The following PACSIN2 variants were observed in gnomAD, a reference collection of about 807,000 sequenced individuals.
PACSIN2 encodes protein kinase C and casein kinase substrate in neurons protein 2.
Under a neutral mutation model 63.8 loss-of-function variants are expected in PACSIN2, and 25 were observed. The observed-to-expected ratio is 0.39, with a 90% confidence interval of 0.29 to 0.55. The LOEUF is 0.55. Ranked by LOEUF, PACSIN2 falls within the 20% of genes least tolerant of loss-of-function variation. PACSIN2 has a pLI of 0.62. For missense variants in PACSIN2, 518 were observed against 646.9 expected (o/e 0.80, Z 2.16); for synonymous variants, 255 against 256.2 (o/e 1.00, Z 0.05).
chr22:42,917,238 A>C (rs895740010), intron 1 of PACSIN2, among the ~76,000 whole-genome samples: 4 of 152,214 alleles, frequency 2.6e-5, no homozygotes, highest in African/African-American at 9.6e-5. Flanking sequence ...GCAGGCTGAC[A>C]GCAGTCATGC....
At chr22:42,882,435 C>T in intron 6 of PACSIN2, 131 bp from the exon 7 acceptor site, 2 of 1,001,910 alleles carry the variant, frequency 2.0e-6, no homozygotes, top group Non-Finnish European at 2.9e-6. Flanking sequence ...AGAGCCAGAA[C>T]ACTCCTCCCT....
At chr22:42,925,789 CTG>C (rs1484712979) in intron 1 of PACSIN2, among the ~76,000 whole-genome samples, 1 of 152,198 alleles carries the variant, frequency 6.6e-6, no homozygotes, top group Admixed American at 6.5e-5. Flanking sequence ...CGGTTGGGGG[CTG>C]TGTGGTTCTA....
At chr22:43,011,501 G>A (rs776974389) in intron 1 of PACSIN2, among the ~76,000 whole-genome samples, 13 of 152,190 alleles carry the variant, frequency 8.5e-5, no homozygotes, top group African/African-American at 2.7e-4. Context: ...GAAACTTTTC[G>A]ATCTGTTTGA....
At chr22:42,953,959 A>C (rs1322213990) in intron 1 of PACSIN2, among the ~76,000 whole-genome samples, 1 of 152,178 alleles carries the variant, frequency 6.6e-6, no homozygotes, top group East Asian at 1.9e-4. Context: ...AACAGCAAGT[A>C]CAAAGGTTAA....
intron 1 of PACSIN2, among the ~76,000 whole-genome samples, chr22:42,965,390 C>T (rs1299272270): frequency 6.6e-6 from 1 of 151,998 alleles, no homozygotes. Flanking sequence ...AGGATGCATT[C>T]AATTGTATGT....
intron 1 of PACSIN2, among the ~76,000 whole-genome samples, chr22:43,001,652 C>T (rs923919000): frequency 6.6e-6 from 1 of 152,242 alleles, no homozygotes; most frequent in Non-Finnish European, 1.5e-5. Context: ...CTTATGTCTA[C>T]CTTCCTGGGT....
intron 1 of PACSIN2, among the ~76,000 whole-genome samples, chr22:42,974,159 C>T (rs1475655154): frequency 3.3e-5 from 5 of 152,186 alleles, no homozygotes; most frequent in Non-Finnish European, 5.9e-5. Context: ...GTCTCCTTCC[C>T]TCCGTATCCC....
At chr22:42,889,957 T>A (rs192804523) in intron 4 of PACSIN2, among the ~76,000 whole-genome samples, 1 of 150,452 alleles carries the variant, frequency 6.6e-6, no homozygotes, top group African/African-American at 2.4e-5. Flanking sequence ...ATTGAGAAAG[T>A]AAAGGAATAA....
At chr22:42,954,741 G>T (rs537260923) in intron 1 of PACSIN2, among the ~76,000 whole-genome samples, 139 of 152,292 alleles carry the variant, frequency 9.1e-4, no homozygotes, top group African/African-American at 3.2e-3. Context: ...CAGGAAAGAG[G>T]AATATATCCA....
intron 1 of PACSIN2, among the ~76,000 whole-genome samples, chr22:42,913,411 G>A (rs917761824): frequency 1.3e-5 from 2 of 151,536 alleles, no homozygotes; most frequent in Non-Finnish European, 2.9e-5. Context: ...CCTGGGAGGT[G>A]GAGGTTGCGG....
At chr22:42,960,658 A>G (rs1255411002) in intron 1 of PACSIN2, among the ~76,000 whole-genome samples, 5 of 152,062 alleles carry the variant, frequency 3.3e-5, no homozygotes, top group Non-Finnish European at 7.4e-5. Flanking sequence ...ATCCAGCACA[A>G]GAAAAGGCGT....
intron 1 of PACSIN2, among the ~76,000 whole-genome samples, chr22:42,992,200 TA>T (rs1923089935): frequency 6.6e-6 from 1 of 152,208 alleles, no homozygotes; most frequent in Non-Finnish European, 1.5e-5. Context: ...GCAAGTGATT[TA>T]AAGAGATAAT....
intron 1 of PACSIN2, among the ~76,000 whole-genome samples, chr22:42,940,669 C>A (rs1418117759): frequency 6.6e-6 from 1 of 152,206 alleles, no homozygotes; most frequent in Non-Finnish European, 1.5e-5. Context: ...GCTGGTGAAG[C>A]CCCTGCCACC....
chr22:42,933,143 T>C (rs969083840), intron 1 of PACSIN2, among the ~76,000 whole-genome samples: 1 of 152,218 alleles, frequency 6.6e-6, no homozygotes, highest in Non-Finnish European at 1.5e-5. Flanking sequence ...TCTTTATGTG[T>C]CAGAGGAAAA....
intron 1 of PACSIN2, among the ~76,000 whole-genome samples, chr22:42,994,595 G>C (rs1439804665): frequency 6.6e-6 from 1 of 152,228 alleles, no homozygotes; most frequent in Non-Finnish European, 1.5e-5. Flanking sequence ...GGCCATGTAA[G>C]GGGTCTGGGG....
At chr22:42,996,546 A>G (rs1301265520) in intron 1 of PACSIN2, among the ~76,000 whole-genome samples, 1 of 152,026 alleles carries the variant, frequency 6.6e-6, no homozygotes, top group African/African-American at 2.4e-5. Flanking sequence ...AAAAAAAAAA[A>G]AAAAAATTGG....
chr22:42,906,404 T>A (rs1931076568), intron 2 of PACSIN2, among the ~76,000 whole-genome samples: 1 of 152,220 alleles, frequency 6.6e-6, no homozygotes, highest in Non-Finnish European at 1.5e-5. Context: ...GGTTGTGTAT[T>A]CTAAACTGTG....
In PACSIN2 at chr22:42,871,305, G is replaced by A. The variant is rs556794189; in HGVS notation, c.*52C>T. 1.5e-5 allele frequency: 17 copies of A among 1,158,418 alleles called. No individual in the cohort carries two copies. The African/African-American group carries it at 1.5e-4, about 10-fold the overall frequency. The allele number at this position is 1,158,418 out of a possible 1,614,324, so 71.8% of individuals were successfully genotyped here. On this transcript the variant is annotated 3_prime_UTR_variant, in exon 11 of 11. Transcript: ENST00000263246. This position sits in a 1 kb window ranked among gnomAD's most constrained non-coding sequence, Gnocchi z 5.4. Reference sequence around the variant, plus strand: ...GGAGTGGATGCCCACGTGGCTGGCTGAGGCTCCTGGGCCCGCCGCCTCCGT... The same window carrying A: ...GGAGTGGATGCCCACGTGGCTGGCTAAGGCTCCTGGGCCCGCCGCCTCCGT...
Position 42,870,791 on chromosome 22 carries a change from C to CT in PACSIN2, c.*565dup, listed in dbSNP as rs1246780324. 4.6e-5 allele frequency: 7 copies of CT among 152,632 alleles called. No homozygotes were observed. Among genetic ancestry groups the CT allele is most frequent in the African/African-American group, 1.7e-4 (7 of 41,436 alleles). The allele number at this position is 152,632 out of a possible 1,614,324, so 9.5% of individuals were successfully genotyped here. On this transcript the variant is annotated 3_prime_UTR_variant, in exon 11 of 11. Transcript: ENST00000263246. ...TTCCTCAAACATCTGCCACCTGAGG[C>CT]TAAGCCTACACACGGCGTGGCTGAG...
Sources: allele counts gnomAD v4.1 joint callset (sites outside exome capture counted in the v4.1 genomes callset), GRCh38; gene constraint gnomAD v4.1.1; non-coding constraint Gnocchi (gnomAD v3.1); transcripts MANE v1.5; gene names NCBI Gene and HGNC (gene_info 2026-07-23, HGNC 2026-07-21).